SLC4A10: variants seen among roughly 807,000 people sequenced by gnomAD.
SLC4A10 encodes sodium-driven chloride bicarbonate exchanger.
A neutral mutation model predicts 137.7 loss-of-function variants in SLC4A10; 42 were observed. That is an observed-to-expected ratio of 0.30 (90% confidence interval 0.24 to 0.39). The LOEUF is 0.39. Among genes scored for constraint, SLC4A10 ranks in the 10% least tolerant of loss-of-function variants. The pLI is 1.00. For missense variants in SLC4A10, 925 were observed against 1,355.0 expected (o/e 0.68, Z 4.98); for synonymous variants, 474 against 464.1 (o/e 1.02, Z -0.27).
At chr2:161,805,163 C>T (rs534447998) in intron 3 of SLC4A10, among the ~76,000 whole-genome samples, 7 of 152,190 alleles carry the variant, frequency 4.6e-5, no homozygotes, top group African/African-American at 7.2e-5. Context: ...CAGGAAAACT[C>T]CCCCTTATAA....
intron 1 of SLC4A10, among the ~76,000 whole-genome samples, chr2:161,755,061 T>C (rs968625643): frequency 2.6e-5 from 4 of 152,138 alleles, no homozygotes; most frequent in Admixed American, 6.6e-5. Context: ...TCATTAGATA[T>C]GAAAAATATC....
At chr2:161,715,040 A>T (rs1442659824) in intron 1 of SLC4A10, among the ~76,000 whole-genome samples, 2 of 152,082 alleles carry the variant, frequency 1.3e-5, no homozygotes, top group Non-Finnish European at 1.5e-5. Context: ...CAATTTTAGT[A>T]TGTATGTATG....
chr2:161,704,762 A>G (rs1189748639), intron 1 of SLC4A10, among the ~76,000 whole-genome samples: 1 of 151,660 alleles, frequency 6.6e-6, no homozygotes, highest in Non-Finnish European at 1.5e-5. Flanking sequence ...CAGTGGTTAC[A>G]TGGCATTACA....
At chr2:161,961,183 G>C (rs1161717043) in intron 21 of SLC4A10, among the ~76,000 whole-genome samples, 1 of 152,186 alleles carries the variant, frequency 6.6e-6, no homozygotes, top group Non-Finnish European at 1.5e-5. Flanking sequence ...TGCAGGACAG[G>C]CAGCACGGGA....
At chr2:161,870,404 C>T (rs1309852436) in intron 6 of SLC4A10, among the ~76,000 whole-genome samples, 1 of 151,660 alleles carries the variant, frequency 6.6e-6, no homozygotes, top group Non-Finnish European at 1.5e-5. Context: ...GGTGATAGAA[C>T]TAAATAATTG....
Position 161,882,447 on chromosome 2 carries a change from AT to A in SLC4A10, c.1194+6del, listed in dbSNP as rs750039567. ...TTGCAACCCTAATGACAGATGAGGT[AT>A]TTATTCAAGTTCTTTGGGAACATTT... is the stretch of plus-strand genomic sequence containing the variant. On this transcript the variant is annotated splice_donor_region_variant and intron_variant, in intron 10 of 26. Transcript: ENST00000446997. 2 of 1,565,808 alleles carry A rather than the reference AT, an allele frequency of 1.3e-6. No individual in the cohort carries two copies. Among genetic ancestry groups the A allele is most frequent in the African/African-American group, 1.4e-5 (1 of 73,292 alleles).
rs763974777 is a variant in SLC4A10 at position 161,862,929 on chromosome 2, T to G, written c.633T>G (p.His211Gln). Reference sequence around the variant, plus strand: ...GTCAGCTGAATGAAGATGTACGCCATAGGGTCCATGAGGCATTGATGAAAC... The same window carrying G: ...GTCAGCTGAATGAAGATGTACGCCAGAGGGTCCATGAGGCATTGATGAAAC... ...SSGQLNEDVR[H>Q]RVHEALMKQH... Residue 211 changes from histidine to glutamine, a missense_variant, in exon 6 of 27, where the codon CAT (histidine) becomes CAG (glutamine). Transcript: ENST00000446997. 6.2e-7 allele frequency: 1 copy of G among 1,613,052 alleles called. No homozygotes were observed. Among genetic ancestry groups the G allele is most frequent in the Non-Finnish European group, 8.5e-7 (1 of 1,179,422 alleles).
chr2:161,955,936 T>G (rs958269082), intron 19 of SLC4A10, among the ~76,000 whole-genome samples: 3 of 152,174 alleles, frequency 2.0e-5, no homozygotes, highest in African/African-American at 7.2e-5. Context: ...CGTATTTTAT[T>G]TTCAAAAAAG....
intron 26 of SLC4A10, among the ~76,000 whole-genome samples, chr2:161,981,588 A>C (rs998239004): frequency 6.6e-6 from 1 of 152,230 alleles, no homozygotes; most frequent in Non-Finnish European, 1.5e-5. Context: ...AAGAGACTGG[A>C]AGGCAGGTAG....
chr2:161,714,037 C>G (rs2044583734), intron 1 of SLC4A10, among the ~76,000 whole-genome samples: 1 of 151,822 alleles, frequency 6.6e-6, no homozygotes, highest in Non-Finnish European at 1.5e-5. Context: ...AGTAAAACTC[C>G]TGGAATTCTA....
intron 15 of SLC4A10, among the ~76,000 whole-genome samples, chr2:161,924,416 A>G (rs933018422): frequency 3.4e-4 from 51 of 152,112 alleles, no homozygotes; most frequent in Admixed American, 2.8e-3. Flanking sequence ...CTGTCTGCTG[A>G]GATTTTAGAT....
intron 1 of SLC4A10, among the ~76,000 whole-genome samples, chr2:161,678,726 C>T (rs539814244): frequency 6.6e-6 from 1 of 152,084 alleles, no homozygotes; most frequent in Non-Finnish European, 1.5e-5. Context: ...TATATATGAA[C>T]TCTAGTGTCT....
intron 15 of SLC4A10, among the ~76,000 whole-genome samples, chr2:161,917,842 T>C (rs926691915): frequency 2.0e-5 from 3 of 152,184 alleles, no homozygotes; most frequent in Non-Finnish European, 4.4e-5. Context: ...GATCAATTCC[T>C]GGCACAAAGT....
At chr2:161,731,085 A>G (rs980498624) in intron 1 of SLC4A10, among the ~76,000 whole-genome samples, 2 of 152,168 alleles carry the variant, frequency 1.3e-5, no homozygotes, top group Non-Finnish European at 2.9e-5. Context: ...ACTTCAGTGA[A>G]AGAAAAAGTA....
At chr2:161,708,869 G>A (rs1237477208) in intron 1 of SLC4A10, 1 of 1,507,306 alleles carries the variant, frequency 6.6e-7, no homozygotes, top group South Asian at 1.3e-5. Flanking sequence ...TTAGAATGTA[G>A]GGTGCTTGCT....
chr2:161,749,480 G>C (rs1164056285), intron 1 of SLC4A10, among the ~76,000 whole-genome samples: 2 of 151,822 alleles, frequency 1.3e-5, no homozygotes, highest in Non-Finnish European at 2.9e-5. Context: ...TGTTGATTTT[G>C]TCAAATATTT....
At chr2:161,754,019 A>G (rs1447386294) in intron 1 of SLC4A10, among the ~76,000 whole-genome samples, 1 of 151,914 alleles carries the variant, frequency 6.6e-6, no homozygotes, top group Non-Finnish European at 1.5e-5. Context: ...CCTCCAGAGT[A>G]GCTGAGACTA....
At chr2:161,778,670 C>T (rs1258446445) in intron 2 of SLC4A10, among the ~76,000 whole-genome samples, 4 of 151,762 alleles carry the variant, frequency 2.6e-5, no homozygotes, top group Non-Finnish European at 5.9e-5. Context: ...AATCTGATTA[C>T]ATTTTAATCT....
At chr2:161,905,539 T>C in intron 14 of SLC4A10, 103 bp from the exon 15 acceptor site, 1 of 1,454,996 alleles carries the variant, frequency 6.9e-7, no homozygotes, top group Non-Finnish European at 9.2e-7. Flanking sequence ...GTGAAGCTTA[T>C]TTACTTTCAC....
Sources: gnomAD v4.1 joint callset for allele counts (sites outside exome capture counted in the v4.1 genomes callset) on GRCh38, gnomAD v4.1.1 for gene constraint, MANE v1.5 for transcripts, NCBI Gene and HGNC (gene_info 2026-07-23, HGNC 2026-07-21) for gene names.